MARCHF1: variants seen among roughly 807,000 people sequenced by gnomAD.
The protein encoded by MARCHF1 is membrane associated ring-CH-type finger 1, also known as E3 ubiquitin-protein ligase MARCHF1.
MARCHF1 carries 40 observed loss-of-function variants against 54.2 expected under a neutral mutation model. That is an observed-to-expected ratio of 0.74 (90% CI 0.57 to 0.96). MARCHF1 has a LOEUF of 0.96. Ranked by LOEUF, MARCHF1 falls within the 40% of genes least tolerant of loss-of-function variation. The pLI, the probability that MARCHF1 is intolerant of heterozygous loss-of-function variation, is 0.00. For missense variants in MARCHF1, 586 were observed against 656.5 expected (o/e 0.89, Z 1.17); for synonymous variants, 236 against 236.3 (o/e 1.00, Z 0.01).
At chr4:164,066,865 T>C (rs1346045096) in intron 2 of MARCHF1, among the ~76,000 whole-genome samples, 5 of 152,104 alleles carry the variant, frequency 3.3e-5, no homozygotes, top group East Asian at 1.9e-4. Context: ...CTGGGGGCTT[T>C]TGAAGGGTGG....
At chr4:164,330,644 C>G (rs1735411562) in intron 1 of MARCHF1, among the ~76,000 whole-genome samples, 1 of 152,138 alleles carries the variant, frequency 6.6e-6, no homozygotes, top group African/African-American at 2.4e-5. Context: ...CAAGAACATG[C>G]CGAGGAACAT....
intron 2 of MARCHF1, among the ~76,000 whole-genome samples, chr4:164,005,780 G>T (rs1257063534): frequency 6.6e-6 from 1 of 152,130 alleles, no homozygotes; most frequent in South Asian, 2.1e-4. Context: ...TGGCTGTTTG[G>T]CAGCACCACA....
rs115696196 is a variant in MARCHF1, at chr4:164,175,176, A to T, written c.-322-63514T>A. ...TAGATTTGTGCAAATGAAATAACAA[A>T]TGTGGATTACTTGATATAATGGCTA... is the stretch of plus-strand genomic sequence containing the variant. On this transcript the variant is annotated intron_variant, in intron 1 of 9. Transcript: ENST00000514618. Among the ~76,000 whole-genome samples, 924 of 152,346 alleles carry T rather than the reference A, an allele frequency of 6.1e-3. 10 individuals carry two copies. The highest frequency in any genetic ancestry group is 0.021 in the African/African-American group (883 of 41,588).
intron 4 of MARCHF1, among the ~76,000 whole-genome samples, chr4:163,814,295 G>A (rs1328269477): frequency 6.6e-6 from 1 of 152,124 alleles, no homozygotes; most frequent in Non-Finnish European, 1.5e-5. Flanking sequence ...TTGGTCCCCT[G>A]GACCCACTTT....
intron 1 of MARCHF1, among the ~76,000 whole-genome samples, chr4:164,174,021 A>G (rs1730595448): frequency 6.6e-6 from 1 of 152,240 alleles, no homozygotes; most frequent in Non-Finnish European, 1.5e-5. Flanking sequence ...ATCGTCTCAC[A>G]CTATAAGGTC....
intron 2 of MARCHF1, among the ~76,000 whole-genome samples, chr4:163,991,413 C>G (rs1752965250): frequency 6.6e-6 from 1 of 152,130 alleles, no homozygotes; most frequent in Non-Finnish European, 1.5e-5. Context: ...TTGCACTTAC[C>G]TAATACCTTT....
At chr4:163,594,981 T>C (rs1740715329) in intron 7 of MARCHF1, among the ~76,000 whole-genome samples, 1 of 152,148 alleles carries the variant, frequency 6.6e-6, no homozygotes. Context: ...GGACCTCAGA[T>C]AGGTATCTGA....
At chr4:163,674,528 G>T (rs899082834) in intron 5 of MARCHF1, among the ~76,000 whole-genome samples, 1 of 152,134 alleles carries the variant, frequency 6.6e-6, no homozygotes, top group African/African-American at 2.4e-5. Context: ...CGATGAGTTT[G>T]CCTGGGGGAG....
At chr4:164,189,006 G>A in intron 1 of MARCHF1, 1 of 704,136 alleles carries the variant, frequency 1.4e-6, no homozygotes, top group Non-Finnish European at 2.6e-6. Flanking sequence ...ATTGGTTATG[G>A]CCTGGATAAG....
chr4:164,239,121 C>CTTCA (rs1249756782), intron 1 of MARCHF1, among the ~76,000 whole-genome samples: 2 of 152,024 alleles, frequency 1.3e-5, no homozygotes, highest in African/African-American at 2.4e-5. Context: ...TATTTAATCA[C>CTTCA]TTCATTCATT....
intron 1 of MARCHF1, among the ~76,000 whole-genome samples, chr4:164,273,254 G>T (rs1290067917): frequency 9.9e-5 from 15 of 152,068 alleles, no homozygotes; most frequent in Admixed American, 3.9e-4. Flanking sequence ...TTCTTCACAA[G>T]GCAGCATGAA....
At chr4:164,251,571 G>A (rs1363663678) in intron 1 of MARCHF1, among the ~76,000 whole-genome samples, 7 of 152,088 alleles carry the variant, frequency 4.6e-5, no homozygotes, top group South Asian at 2.1e-4. Flanking sequence ...GTATGTAAAC[G>A]AATGCGGTTT....
chr4:164,134,296 T>C (rs1756357440), intron 1 of MARCHF1, among the ~76,000 whole-genome samples: 1 of 152,220 alleles, frequency 6.6e-6, no homozygotes, highest in African/African-American at 2.4e-5. Flanking sequence ...TCCCAAGGGT[T>C]ATTTTAAAAC....
chr4:164,225,297 T>TA (rs1253949578), intron 1 of MARCHF1, among the ~76,000 whole-genome samples: 1 of 152,016 alleles, frequency 6.6e-6, no homozygotes, highest in African/African-American at 2.4e-5. Context: ...ATGTTTTTTA[T>TA]AAAAAAACTT....
At chr4:164,001,001 C>A (rs1420921875) in intron 2 of MARCHF1, among the ~76,000 whole-genome samples, 1 of 151,428 alleles carries the variant, frequency 6.6e-6, no homozygotes, top group Non-Finnish European at 1.5e-5. Context: ...CTACTATTAA[C>A]AAATGAATAA....
intron 1 of MARCHF1, among the ~76,000 whole-genome samples, chr4:164,129,584 T>G (rs889608933): frequency 2.0e-5 from 3 of 152,192 alleles, no homozygotes; most frequent in African/African-American, 7.2e-5. Flanking sequence ...TTTCAAGCTA[T>G]ATATATTATT....
intron 1 of MARCHF1, among the ~76,000 whole-genome samples, chr4:164,264,799 A>G (rs1733563684): frequency 6.6e-6 from 1 of 152,066 alleles, no homozygotes; most frequent in Non-Finnish European, 1.5e-5. Flanking sequence ...AGGCACCTGT[A>G]ATATCAGCTA....
chr4:164,154,627 G>A (rs1203211207), intron 1 of MARCHF1, among the ~76,000 whole-genome samples: 1 of 152,166 alleles, frequency 6.6e-6, no homozygotes, highest in African/African-American at 2.4e-5. Flanking sequence ...AGGAAATGAG[G>A]GGAGCTCTTT....
Position 164,274,659 on chromosome 4 carries a change from C to CTTCTTTTTTTT in MARCHF1, c.-323+109210_-323+109211insAAAAAAAAGAA, listed in dbSNP as rs1733826760. Among the ~76,000 whole-genome samples the CTTCTTTTTTTT allele has an allele frequency of 9.4e-4, 42 of 44,658 alleles. 12 individuals carry two copies. Among genetic ancestry groups the CTTCTTTTTTTT allele is most frequent in the Admixed American group, 1.5e-3 (6 of 4,122 alleles). 29.3% of individuals were successfully genotyped at this position (44,658 alleles called of 152,430 possible). On this transcript the variant is annotated intron_variant, in intron 1 of 9. Transcript: ENST00000514618. ...CGCTTGATGTGTGCTTCAGGGTACA[C>CTTCTTTTTTTT]TTTTTTTTTTTTTTTTTTTTTTTTT... is the stretch of plus-strand genomic sequence containing the variant.
Sources: gnomAD v4.1 joint callset for allele counts (sites outside exome capture counted in the v4.1 genomes callset) on GRCh38, gnomAD v4.1.1 for gene constraint, MANE v1.5 for transcripts, NCBI Gene and HGNC (gene_info 2026-07-23, HGNC 2026-07-21) for gene names.